RABGAP1L: variants seen among roughly 807,000 people sequenced by gnomAD.
The protein encoded by RABGAP1L is rab GTPase-activating protein 1-like.
A neutral mutation model predicts 137.7 loss-of-function variants in RABGAP1L; 63 were observed. The observed-to-expected ratio is 0.46, with a 90% CI of 0.37 to 0.56. The LOEUF (loss-of-function observed/expected upper bound fraction) is 0.56, where lower values mean the gene tolerates loss of function less well. Ranked by LOEUF, RABGAP1L falls within the 20% of genes least tolerant of loss-of-function variation. RABGAP1L has a pLI of 0.00. For synonymous variants in RABGAP1L, 431 were observed against 433.7 expected (o/e 0.99, Z 0.08); for missense variants, 1,095 against 1,244.0 (o/e 0.88, Z 1.80).
intron 13 of RABGAP1L, among the ~76,000 whole-genome samples, chr1:174,470,146 A>G (rs1558261575): frequency 1.3e-5 from 2 of 152,134 alleles, no homozygotes. Flanking sequence ...TTCCAAATGC[A>G]TCTCCCCATC....
chr1:174,325,005 T>C lies in RABGAP1L; in HGVS notation c.1465+19878T>C, dbSNP rs139056010. Among the ~76,000 whole-genome samples, 196 of 152,214 alleles carry C rather than the reference T, an allele frequency of 1.3e-3. 1 individual carries two copies. Among genetic ancestry groups the C allele is most frequent in the African/African-American group, 4.6e-3 (192 of 41,532 alleles). The stretch of plus-strand genomic sequence containing the variant: ...GTTTAAGTAACTCTTTTAAGAAATA[T>C]AAGAAGAGGAAAGAGATTAGATTGA... On this transcript the variant is annotated intron_variant, in intron 11 of 25. Coordinates refer to ENST00000681986, the MANE Select transcript of RABGAP1L (RefSeq NM_001366446.1).
At chr1:174,173,702 G>A (rs1424774567) in intron 1 of RABGAP1L, among the ~76,000 whole-genome samples, 3 of 151,784 alleles carry the variant, frequency 2.0e-5, no homozygotes, top group African/African-American at 4.8e-5. Context: ...TTTTGTGCTG[G>A]AGAAGCAGAG....
intron 7 of RABGAP1L, among the ~76,000 whole-genome samples, chr1:174,257,482 A>G (rs1275558925): frequency 1.3e-5 from 2 of 152,210 alleles, no homozygotes; most frequent in Non-Finnish European, 2.9e-5. Flanking sequence ...TTGCACACAC[A>G]TTTAAATATA....
intron 19 of RABGAP1L, among the ~76,000 whole-genome samples, chr1:174,870,366 A>G (rs1289495394): frequency 6.6e-6 from 1 of 152,196 alleles, no homozygotes; most frequent in Non-Finnish European, 1.5e-5. Flanking sequence ...ACAGTCCTAT[A>G]TCACTAATTA....
chr1:174,489,981 C>T (rs1660062167), intron 13 of RABGAP1L, among the ~76,000 whole-genome samples: 1 of 151,838 alleles, frequency 6.6e-6, no homozygotes, highest in Non-Finnish European at 1.5e-5. Flanking sequence ...TTTTGAATTC[C>T]TTCTCTGAGT....
intron 19 of RABGAP1L, among the ~76,000 whole-genome samples, chr1:174,915,645 T>A (rs2901862): frequency 0.021 from 3,242 of 152,218 alleles, 122 homozygotes; most frequent in African/African-American, 0.071. Flanking sequence ...TTAGTAGAGA[T>A]GGGGTTTCAC....
At chr1:174,223,442 C>CAAAA (rs370743713) in intron 3 of RABGAP1L, among the ~76,000 whole-genome samples, 2 of 53,316 alleles carry the variant, frequency 3.8e-5, no homozygotes, top group African/African-American at 6.9e-5. Flanking sequence ...GACTCCATCT[C>CAAAA]AAAAAAAAAA....
intron 19 of RABGAP1L, among the ~76,000 whole-genome samples, chr1:174,903,024 A>T (rs1410732735): frequency 6.6e-6 from 1 of 152,276 alleles, no homozygotes; most frequent in Non-Finnish European, 1.5e-5. Context: ...ATCAGGACTC[A>T]GTGACAAAGC....
intron 18 of RABGAP1L, among the ~76,000 whole-genome samples, chr1:174,766,567 TA>T (rs1253582962): frequency 6.6e-6 from 1 of 152,250 alleles, no homozygotes; most frequent in East Asian, 1.9e-4. Flanking sequence ...TTGTTTTGGC[TA>T]TTCCAGGTCC....
intron 14 of RABGAP1L, among the ~76,000 whole-genome samples, chr1:174,670,491 A>T (rs1677091233): frequency 6.6e-6 from 1 of 152,074 alleles, no homozygotes; most frequent in Non-Finnish European, 1.5e-5. Context: ...GGTCTTACTC[A>T]TTCTTTCTTC....
At chr1:174,169,793 C>T (rs545226669) in intron 1 of RABGAP1L, among the ~76,000 whole-genome samples, 37 of 152,190 alleles carry the variant, frequency 2.4e-4, no homozygotes, top group African/African-American at 7.7e-4. Flanking sequence ...GGTCTCAAAG[C>T]GATTCTCCAA....
intron 14 of RABGAP1L, among the ~76,000 whole-genome samples, chr1:174,637,844 G>A (rs889970528): frequency 2.0e-5 from 3 of 152,198 alleles, no homozygotes; most frequent in Non-Finnish European, 4.4e-5. Flanking sequence ...CTGACAACAG[G>A]CAAGTGTAAG....
intron 19 of RABGAP1L, among the ~76,000 whole-genome samples, chr1:174,817,111 T>A (rs1690518573): frequency 6.6e-6 from 1 of 152,188 alleles, no homozygotes; most frequent in Non-Finnish European, 1.5e-5. Flanking sequence ...ACGATGGACT[T>A]CAGTAGTAGC....
At chr1:174,637,554 G>C in intron 14 of RABGAP1L, 66 bp downstream of exon 14, 2 of 1,200,668 alleles carry the variant, frequency 1.7e-6, no homozygotes, top group Middle Eastern at 2.4e-4. Context: ...ACCCATTTAA[G>C]GATTTTTTTA....
intron 19 of RABGAP1L, chr1:174,954,257 T>G (rs1417838550): frequency 6.6e-6 from 1 of 152,174 alleles, no homozygotes; most frequent in Non-Finnish European, 1.5e-5. Flanking sequence ...GGATGCTCAG[T>G]ATCACCCCAC....
At chr1:174,509,250 A>G (rs1049379937) in intron 13 of RABGAP1L, among the ~76,000 whole-genome samples, 1 of 152,222 alleles carries the variant, frequency 6.6e-6, no homozygotes, top group African/African-American at 2.4e-5. Context: ...TGAGTGAGAT[A>G]AATTGTAATA....
rs16847044 is a variant in RABGAP1L, at chr1:174,459,845, A to G, written c.1710+65700A>G. On this transcript the variant is annotated intron_variant, in intron 13 of 25. Coordinates refer to ENST00000681986, the MANE Select transcript of RABGAP1L (RefSeq NM_001366446.1). ...ATTAGAACCCATATAGTCAGAGTGA[A>G]TACCTTAATAATGTTTATTGTATGT... Among the ~76,000 whole-genome samples, 820 of 152,214 alleles carry G rather than the reference A, an allele frequency of 5.4e-3. 10 individuals carry two copies. Among genetic ancestry groups the G allele is most frequent in the African/African-American group, 0.019 (775 of 41,550 alleles).
intron 19 of RABGAP1L, among the ~76,000 whole-genome samples, chr1:174,827,009 A>G (rs1278177808): frequency 6.6e-6 from 1 of 152,220 alleles, no homozygotes; most frequent in East Asian, 1.9e-4. Context: ...CAAGATCAAG[A>G]TGTTGGCAGG....
At chr1:174,670,286 AT>A (rs150105645) in intron 14 of RABGAP1L, among the ~76,000 whole-genome samples, 13,096 of 151,782 alleles carry the variant, frequency 0.086, 762 homozygotes, top group East Asian at 0.22. Context: ...GGGTGTATAT[AT>A]TTATGGGATA....
Sources: allele counts gnomAD v4.1 joint callset (sites outside exome capture counted in the v4.1 genomes callset), GRCh38; gene constraint gnomAD v4.1.1; transcripts MANE v1.5; gene names NCBI Gene and HGNC (gene_info 2026-07-23, HGNC 2026-07-21).